PES1: variants seen among roughly 807,000 people sequenced by gnomAD.
The protein encoded by PES1 is pescadillo homolog.
In PES1, 31 loss-of-function variants were observed where a neutral mutation model predicts 77.1. The observed-to-expected ratio is 0.40, with a 90% confidence interval of 0.30 to 0.54. The LOEUF is 0.54. PES1 is among the 20% of genes least tolerant of loss of function. The probability of loss-of-function intolerance (pLI) is 0.45; values close to 1 mark genes in which losing one functional copy is unlikely to be tolerated. For missense variants in PES1, 658 were observed against 771.7 expected, an observed-to-expected ratio of 0.85 and a Z score of 1.75; for synonymous variants, 282 against 303.0, an observed-to-expected ratio of 0.93 and a Z score of 0.72.
At chr22:30,599,362 G>T (rs1345935525) in intron 2 of PES1, among the ~76,000 whole-genome samples, 1 of 152,156 alleles carries the variant, frequency 6.6e-6, no homozygotes, top group African/African-American at 2.4e-5. Flanking sequence ...TTGGCATAAA[G>T]ATTGTAAAAC....
intron 1 of PES1, among the ~76,000 whole-genome samples, chr22:30,605,977 A>G (rs563800982): frequency 1.3e-5 from 2 of 152,348 alleles, no homozygotes; most frequent in Admixed American, 6.5e-5. Flanking sequence ...GGGAACTGTT[A>G]GGATGATCTT....
intron 14 of PES1, 142 bp downstream of exon 14, chr22:30,578,694 TG>T: frequency 1.0e-6 from 1 of 961,100 alleles, no homozygotes; most frequent in Non-Finnish European, 1.6e-6. Context: ...CCCCAAAGGC[TG>T]GGCTGGGCCA....
In PES1 at chr22:30,577,053, G is replaced by A. The variant is rs372845697; in HGVS notation, c.1760C>T (p.Pro587Leu). ...GTGAGGGGCCGCAGGCACTCACTCC[G>A]GCCTTGCCTTCTTGGCCTTCTTCTC... is the stretch of plus-strand genomic sequence containing the variant. ...RSEKKAKKAR[P>L]E The change falls in exon 15 of 15, where the codon CCG becomes CTG. Residue 587 changes from proline (P) to leucine (L), a missense_variant. Coordinates refer to ENST00000354694, the MANE Select transcript of PES1 (RefSeq NM_014303.4). The A allele has an allele frequency of 3.3e-5, 54 of 1,613,464 alleles. No individual in the cohort carries two copies. The highest frequency in any genetic ancestry group is 1.1e-4 in the African/African-American group (8 of 75,028).
chr22:30,591,770 A>G, intron 1 of PES1, 40 bp downstream of exon 1: 1 of 1,540,610 alleles, frequency 6.5e-7, no homozygotes, highest in Admixed American at 2.0e-5. Flanking sequence ...CCGCCCCCGC[A>G]CCCCACCCCT....
At position 30,578,818 on chromosome 22, in the gene PES1, G is replaced by T. The variant is rs760336253; in HGVS notation, c.1683+19C>A. The T allele has an allele frequency of 1.2e-6, 2 of 1,611,686 alleles. No homozygotes were observed. The highest frequency in any genetic ancestry group is 4.5e-5 in the East Asian group (2 of 44,900). The stretch of plus-strand genomic sequence containing the variant: ...TCTGGTGGCCACACCTGGATCTCAA[G>T]TGGGTGGCAAGAACTCACCTCTCGG... On this transcript the variant is annotated intron_variant, in intron 14 of 14. Transcript: ENST00000354694.
At chr22:30,585,189 C>T (rs767199547) in intron 4 of PES1, 33 of 452,088 alleles carry the variant, frequency 7.3e-5, no homozygotes, top group Non-Finnish European at 1.3e-4. Flanking sequence ...GCCTGGCCAC[C>T]GGTCGCCAGC....
At chr22:30,581,237 C>A in intron 8 of PES1, 97 bp downstream of exon 8, 1 of 1,420,978 alleles carries the variant, frequency 7.0e-7, no homozygotes, top group Non-Finnish European at 9.8e-7. Context: ...ACCCACCTAG[C>A]CATAACCACC....
At chr22:30,584,164 C>G (rs2087031035) in intron 6 of PES1, 2 of 597,744 alleles carry the variant, frequency 3.3e-6, no homozygotes, top group Admixed American at 5.6e-5. Flanking sequence ...ACGCAGCTGG[C>G]AGGTGCTGCC....
upstream of PES1, among the ~76,000 whole-genome samples, chr22:30,593,671 A>G (rs893387473): frequency 6.6e-6 from 1 of 152,188 alleles, no homozygotes; most frequent in African/African-American, 2.4e-5. Flanking sequence ...GTTTGCAGAA[A>G]GTTGAGCCTT....
intron 10 of PES1, 44 bp from the exon 11 acceptor site, chr22:30,580,222 T>A (rs749329059): frequency 6.4e-7 from 1 of 1,573,340 alleles, no homozygotes; most frequent in South Asian, 1.2e-5. Context: ...AGACATGAGC[T>A]GCCTGTCCTG....
rs143927047 is a variant in PES1, at chr22:30,579,079, A to G, written c.1521+58T>C. 5.4e-4 allele frequency: 872 copies of G among 1,604,268 alleles called. 8 individuals are homozygous for G. The East Asian group carries it at 0.017, about 31-fold the overall frequency. The stretch of plus-strand genomic sequence containing the variant: ...TCTGGCTCCTGACCTTCTAGGCCAG[A>G]GCAGGCACCAAGCAGGGCTGCTTCC... On this transcript the variant is annotated intron_variant, in intron 13 of 14. Transcript: ENST00000354694.
Position 30,580,099 on chromosome 22 carries a change from G to T in PES1, c.1123C>A (p.His375Asn). The stretch of plus-strand genomic sequence containing the variant: ...TGCCCAGGCCGGTCGACAATCTGAT[G>T]GGTGATGCGGGAGTCTGTGACGTCA... ...TYDVTDSRITHQIVDRPGQQT... is the reference protein window; with the variant it reads ...TYDVTDSRITNQIVDRPGQQT... Residue 375 changes from histidine to asparagine, a missense_variant, in exon 11 of 15, where the codon CAT (histidine) becomes AAT (asparagine). Physicochemically the swap from His to Asn is moderately conservative, Grantham distance 68. Transcript: ENST00000354694. The T allele has an allele frequency of 6.2e-7, 1 of 1,614,146 alleles. No individual in the cohort carries two copies. Among genetic ancestry groups the T allele is most frequent in the Non-Finnish European group, 8.5e-7 (1 of 1,180,024 alleles).
chr22:30,587,538 T>A, intron 3 of PES1, 143 bp from the exon 4 acceptor site: 3 of 648,004 alleles, frequency 4.6e-6, no homozygotes, highest in Non-Finnish European at 8.0e-6. Flanking sequence ...CACTGACCCC[T>A]CTGCCCAGGA....
At chr22:30,604,991 T>C (rs2087415793) in intron 2 of PES1, among the ~76,000 whole-genome samples, 1 of 152,220 alleles carries the variant, frequency 6.6e-6, no homozygotes, top group African/African-American at 2.4e-5. Context: ...CTATTTCTTT[T>C]TTTAATTTTA....
At chr22:30,595,653 G>GCCTTCCCAGT (rs2087243403), upstream of PES1, among the ~76,000 whole-genome samples, 2 of 152,060 alleles carry the variant, frequency 1.3e-5, no homozygotes, top group Admixed American at 1.3e-4. Context: ...ATTGGCAGGG[G>GCCTTCCCAGT]CCTTCCCAGT....
intron 6 of PES1, among the ~76,000 whole-genome samples, chr22:30,583,192 G>T (rs1441500980): frequency 6.6e-6 from 1 of 152,148 alleles, no homozygotes; most frequent in African/African-American, 2.4e-5. Context: ...GGCTGGGGAA[G>T]GGAAGAAGGA....
intron 4 of PES1, chr22:30,585,460 CAG>C: frequency 2.7e-6 from 1 of 373,644 alleles, no homozygotes; most frequent in Non-Finnish European, 5.6e-6. Context: ...AGCTGTGACC[CAG>C]ACTCTTCATT....
In PES1 at chr22:30,578,846, T is replaced by A. The variant is rs752149135; in HGVS notation, c.1674A>T (p.Lys558Asn). ...GGTGGCAAGAACTCACCTCTCGGAT[T>A]TTTCGCCTCTTGCCAAACATGATCT... is the stretch of plus-strand genomic sequence containing the variant. ...YQKIMFGKRRKIREANKLAEK... is the reference protein window; with the variant it reads ...YQKIMFGKRRNIREANKLAEK... The change falls in exon 14 of 15, where the codon AAA becomes AAT. Residue 558 changes from lysine to asparagine, a missense_variant. Transcript: ENST00000354694. 6 of 1,612,314 alleles carry A rather than the reference T, an allele frequency of 3.7e-6. No individual in the cohort carries two copies. Among genetic ancestry groups the A allele is most frequent in the Non-Finnish European group, 4.2e-6 (5 of 1,179,996 alleles).
At chr22:30,589,803 T>C (rs1330049166) in intron 1 of PES1, among the ~76,000 whole-genome samples, 3 of 152,296 alleles carry the variant, frequency 2.0e-5, no homozygotes, top group East Asian at 1.9e-4. Flanking sequence ...TCTTCCTCAT[T>C]ATAACCTCTT....
Sources: allele counts gnomAD v4.1 joint callset (sites outside exome capture counted in the v4.1 genomes callset), GRCh38; gene constraint gnomAD v4.1.1; transcripts MANE v1.5; gene names NCBI Gene and HGNC (gene_info 2026-07-23, HGNC 2026-07-21).